The following ANKRD36B variants were observed in gnomAD, a reference collection of about 807,000 sequenced individuals.
ANKRD36B encodes the protein ankyrin repeat domain 36B.
In ANKRD36B, 37 loss-of-function variants were observed where a neutral mutation model predicts 135.7. The ratio of observed to expected loss-of-function variants is 0.27; its 90% confidence interval spans 0.21 to 0.36. The LOEUF is 0.36. Among genes scored for constraint, ANKRD36B ranks in the 10% least tolerant of loss-of-function variants. The probability of loss-of-function intolerance (pLI) is 1.00; values close to 1 mark genes in which losing one functional copy is unlikely to be tolerated. For missense variants in ANKRD36B, 549 were observed against 1,037.1 expected, an observed-to-expected ratio of 0.53 and a Z score of 6.46; for synonymous variants, 179 against 348.1, an observed-to-expected ratio of 0.51 and a Z score of 5.41.
chr2:97,528,405 T>A (rs1272002125), intron 35 of ANKRD36B, among the ~76,000 whole-genome samples: 1 of 90,156 alleles, frequency 1.1e-5, no homozygotes, highest in African/African-American at 3.3e-5. Flanking sequence ...TTCAAAGCAG[T>A]GTACAGTGGG....
chr2:97,546,819 T>G (rs1210026503), intron 22 of ANKRD36B, among the ~76,000 whole-genome samples: 1 of 151,686 alleles, frequency 6.6e-6, no homozygotes, highest in African/African-American at 2.4e-5. Context: ...ATATTCAAGA[T>G]TATCGCATTT....
At chr2:97,571,772 T>G (rs1483546992) in intron 6 of ANKRD36B, among the ~76,000 whole-genome samples, 1 of 152,240 alleles carries the variant, frequency 6.6e-6, no homozygotes, top group East Asian at 1.9e-4. Flanking sequence ...CTCATTTAAT[T>G]TGTTTCTAAT....
chr2:97,539,407 C>G lies in ANKRD36B; in HGVS notation c.1987+627G>C, dbSNP rs551552597. ...GGAGCAATGAGTCACTGTGGTTTAT[C>G]CCAATTCTAGGAGTCCTTCCTGCTT... On this transcript the variant is annotated intron_variant, in intron 30 of 43. Coordinates refer to ENST00000359901, the MANE Select transcript of ANKRD36B (RefSeq NM_001393939.1). Among the ~76,000 whole-genome samples, 12 of 96,978 alleles carry G rather than the reference C, an allele frequency of 1.2e-4. 3 individuals carry two copies. In the South Asian group the frequency reaches 1.9e-3, roughly 15 times the overall value. The allele number at this position is 96,978 out of a possible 152,430, so 63.6% of individuals were successfully genotyped here. A position where few individuals can be genotyped will look rare whatever the true frequency, so the allele number is the denominator to read the frequency against.
At chr2:97,583,034 T>G (rs1379356399) in intron 3 of ANKRD36B, among the ~76,000 whole-genome samples, 1 of 151,726 alleles carries the variant, frequency 6.6e-6, no homozygotes, top group Non-Finnish European at 1.5e-5. Context: ...CAATGGCTTA[T>G]CAATTAAAGC....
rs1434733137 is a variant in ANKRD36B, at chr2:97,549,781, GA to G, written c.1376-168del. On this transcript the variant is annotated intron_variant, in intron 18 of 43. Coordinates refer to ENST00000359901, the MANE Select transcript of ANKRD36B (RefSeq NM_001393939.1). ...CTAGAACGTGACAGAAATGCACTGA[GA>G]AAAGGGAATACAGGCTCCATGAAAT... is the stretch of plus-strand genomic sequence containing the variant. 3.4e-4 allele frequency among the ~76,000 whole-genome samples: 51 copies of G among 151,938 alleles called. 1 individual carries two copies. The highest frequency in any genetic ancestry group is 3.0e-3 in the Admixed American group (45 of 15,216).
chr2:97,570,754 T>G (rs888561761), intron 6 of ANKRD36B, among the ~76,000 whole-genome samples: 14 of 152,206 alleles, frequency 9.2e-5, no homozygotes, highest in Admixed American at 6.5e-4. Context: ...CAATTTTACT[T>G]TGTATTCTTT....
chr2:97,587,000 C>T (rs1190834767), intron 1 of ANKRD36B, among the ~76,000 whole-genome samples: 3 of 152,076 alleles, frequency 2.0e-5, no homozygotes, highest in Non-Finnish European at 2.9e-5. Context: ...ATGGTGAAAC[C>T]CCGTCTTTAC....
intron 43 of ANKRD36B, among the ~76,000 whole-genome samples, chr2:97,504,569 CA>C (rs1319408030): frequency 3.3e-5 from 2 of 60,076 alleles, no homozygotes; most frequent in Non-Finnish European, 8.7e-5. Flanking sequence ...ACTAAAAATA[CA>C]AAAAAAAACT....
chr2:97,557,186 C>A lies in ANKRD36B; in HGVS notation c.968-54G>T. Reference sequence around the variant, plus strand: ...TCATATGTAAATATGACAAAGTCGTCCATACATTCATGCAGTGTTAGCATC... The same window carrying A: ...TCATATGTAAATATGACAAAGTCGTACATACATTCATGCAGTGTTAGCATC... On this transcript the variant is annotated intron_variant, in intron 10 of 43. Transcript: ENST00000359901. The A allele has an allele frequency of 2.0e-6, 3 of 1,494,424 alleles. No individual in the cohort carries two copies. In the South Asian group the frequency reaches 3.9e-5, roughly 19 times the overall value. The allele number at this position is 1,494,424 out of a possible 1,614,324, so 92.6% of individuals were successfully genotyped here. A position where few individuals can be genotyped will look rare whatever the true frequency, so the allele number is the denominator to read the frequency against.
chr2:97,562,699 A>G (rs143011388), intron 6 of ANKRD36B, among the ~76,000 whole-genome samples: 1 of 151,892 alleles, frequency 6.6e-6, no homozygotes. Context: ...CTCCACATTC[A>G]TTTCTTCATT....
At chr2:97,546,059 C>T (rs953509328) in intron 22 of ANKRD36B, among the ~76,000 whole-genome samples, 198 bp from the exon 23 acceptor site, 5 of 151,598 alleles carry the variant, frequency 3.3e-5, no homozygotes, top group Non-Finnish European at 7.4e-5. Flanking sequence ...TGAAATATAT[C>T]CTTACAATTT....
At position 97,565,864 on chromosome 2, in the gene ANKRD36B, G is replaced by GGTGT. The variant is rs869177777; in HGVS notation, c.764-5008_764-5005dup. On this transcript the variant is annotated intron_variant, in intron 6 of 43. Transcript: ENST00000359901. ...ATCTCATTACTGGGCATATACTCGG[G>GGTGT]GTGTGTGTGTGTGTGTGTGTGTGTG... Among the ~76,000 whole-genome samples, 186 of 147,204 alleles carry GGTGT rather than the reference G, an allele frequency of 1.3e-3. No individual in the cohort carries two copies. In the East Asian group the frequency reaches 0.017, roughly 13 times the overall value.
chr2:97,579,204 T>C (rs574014552), intron 4 of ANKRD36B, among the ~76,000 whole-genome samples, 161 bp from the exon 5 acceptor site: 187 of 149,484 alleles, frequency 1.3e-3, no homozygotes, highest in Non-Finnish European at 2.1e-3. Flanking sequence ...CTTTGCAAGT[T>C]ACCACAAAGG....
Position 97,524,292 on chromosome 2 carries a change from T to G in ANKRD36B, c.2266-825A>C. On this transcript the variant is annotated intron_variant, in intron 35 of 43. Coordinates refer to ENST00000359901, the MANE Select transcript of ANKRD36B (RefSeq NM_001393939.1). Reference sequence around the variant, plus strand: ...ATATGTCCGATGTTTAATTTCCAGTTAGCGGTGTTTTGGTTTTTTGTCATT... The same window carrying G: ...ATATGTCCGATGTTTAATTTCCAGTGAGCGGTGTTTTGGTTTTTTGTCATT... 2.1e-5 allele frequency: 2 copies of G among 95,088 alleles called. 1 individual carries two copies. The highest frequency in any genetic ancestry group is 5.6e-5 in the Non-Finnish European group (2 of 35,822). 5.9% of individuals were successfully genotyped at this position (95,088 alleles called of 1,614,324 possible). A position where few individuals can be genotyped will look rare whatever the true frequency, so the allele number is the denominator to read the frequency against.
chr2:97,586,166 A>T (rs2082972891), intron 1 of ANKRD36B, among the ~76,000 whole-genome samples: 1 of 152,208 alleles, frequency 6.6e-6, no homozygotes, highest in African/African-American at 2.4e-5. Flanking sequence ...AGGCAAAAAT[A>T]AAAAAACAAA....
At chr2:97,578,552 G>A (rs2082371081) in intron 5 of ANKRD36B, among the ~76,000 whole-genome samples, 1 of 151,866 alleles carries the variant, frequency 6.6e-6, no homozygotes, top group Non-Finnish European at 1.5e-5. Context: ...TTGATAAACT[G>A]GACATTTTGA....
At chr2:97,572,423 G>T (rs2081943265) in intron 6 of ANKRD36B, among the ~76,000 whole-genome samples, 1 of 107,052 alleles carries the variant, frequency 9.3e-6, no homozygotes, top group Non-Finnish European at 2.3e-5. Flanking sequence ...TTAAAACTAT[G>T]TCGTTTGAAA....
intron 4 of ANKRD36B, among the ~76,000 whole-genome samples, chr2:97,579,890 C>G (rs2082505538): frequency 6.6e-6 from 1 of 152,096 alleles, no homozygotes; most frequent in Non-Finnish European, 1.5e-5. Flanking sequence ...CTCCTTTTCA[C>G]AGAAGAAAAC....
chr2:97,549,073 C>A (rs1294160612), intron 20 of ANKRD36B, among the ~76,000 whole-genome samples: 1 of 151,836 alleles, frequency 6.6e-6, no homozygotes, highest in Non-Finnish European at 1.5e-5. Context: ...TCTGTAAAAT[C>A]GATACTTCCT....
Sources: allele counts gnomAD v4.1 joint callset (sites outside exome capture counted in the v4.1 genomes callset), GRCh38; gene constraint gnomAD v4.1.1; transcripts MANE v1.5; gene names NCBI Gene and HGNC (gene_info 2026-07-23, HGNC 2026-07-21).